DNAH14: variants seen among roughly 807,000 people sequenced by gnomAD.
DNAH14 encodes axonemal beta dynein heavy chain 14.
DNAH14 carries 478 observed loss-of-function variants against 520.9 expected under a neutral mutation model. The observed-to-expected ratio is 0.92, with a 90% CI of 0.85 to 0.99. The LOEUF (loss-of-function observed/expected upper bound fraction) is 0.99. DNAH14 is among the 50% of genes least tolerant of loss of function. The pLI is 0.00. For missense variants in DNAH14, 4,831 were observed against 5,234.5 expected, an observed-to-expected ratio of 0.92 and a Z score of 2.38; for synonymous variants, 1,581 against 1,757.2, an observed-to-expected ratio of 0.90 and a Z score of 2.51.
chr1:225,050,417 GCAGAAACC>G, intron 16 of DNAH14, 41 bp downstream of exon 16: 5 of 1,487,138 alleles, frequency 3.4e-6, no homozygotes, highest in Non-Finnish European at 4.5e-6. Flanking sequence ...TGTTTAAGGA[GCAGAAACC>G]CACTGAATTC....
intron 35 of DNAH14, among the ~76,000 whole-genome samples, chr1:225,163,486 CT>C (rs2081739536): frequency 6.6e-6 from 1 of 151,856 alleles, no homozygotes; most frequent in Non-Finnish European, 1.5e-5. Flanking sequence ...GTGATACTAG[CT>C]GTGGGTCTGT....
intron 11 of DNAH14, among the ~76,000 whole-genome samples, chr1:225,037,202 G>A (rs530322143): frequency 6.6e-6 from 1 of 152,090 alleles, no homozygotes; most frequent in Non-Finnish European, 1.5e-5. Flanking sequence ...TAGAGAATTT[G>A]GTCCATTTAC....
intron 54 of DNAH14, among the ~76,000 whole-genome samples, chr1:225,279,207 A>T (rs1183545723): frequency 6.6e-6 from 1 of 152,114 alleles, no homozygotes; most frequent in Non-Finnish European, 1.5e-5. Flanking sequence ...GGGTTTCACC[A>T]TGTTGGGCAG....
intron 36 of DNAH14, among the ~76,000 whole-genome samples, chr1:225,169,258 C>T (rs6702926): frequency 0.11 from 17,000 of 152,196 alleles, 1,479 homozygotes; most frequent in East Asian, 0.23. Flanking sequence ...TCCAAAGGAA[C>T]GCAGCTCCTC....
chr1:224,949,889 C>T (rs1311179452), intron 1 of DNAH14, among the ~76,000 whole-genome samples: 1 of 151,992 alleles, frequency 6.6e-6, no homozygotes, highest in Non-Finnish European at 1.5e-5. Context: ...CTGATATCTC[C>T]TACTCCCAGA....
intron 12 of DNAH14, among the ~76,000 whole-genome samples, chr1:225,041,169 A>G (rs559955780): frequency 2.6e-5 from 4 of 152,368 alleles, no homozygotes; most frequent in African/African-American, 9.6e-5. Context: ...AAGTTTGGGC[A>G]TCTTGCCCCT....
chr1:225,083,189 A>G (rs995752032), intron 20 of DNAH14, among the ~76,000 whole-genome samples: 1 of 152,118 alleles, frequency 6.6e-6, no homozygotes, highest in Non-Finnish European at 1.5e-5. Flanking sequence ...TTTCCATGTA[A>G]GTTTTATTAT....
At position 225,079,434 on chromosome 1, in the gene DNAH14, A is replaced by G. The variant is rs570373884; in HGVS notation, c.2652A>G (p.Lys884=). Residue 884 remains lysine, a synonymous_variant, in exon 18 of 86, where the codon AAA becomes AAG. Transcript: ENST00000682510. ...QVLLLKFSQL[K]SSMKLSKINK... ...TTCTTCTTAAGTTTAGTCAACTAAA[A>G]TCATCTATGAAGTTAAGTAAAATAA... is the stretch of plus-strand genomic sequence containing the variant. The G allele has an allele frequency of 6.5e-7, 1 of 1,548,702 alleles. No individual in the cohort carries two copies. Among genetic ancestry groups the G allele is most frequent in the Non-Finnish European group, 8.7e-7 (1 of 1,146,294 alleles).
intron 61 of DNAH14, among the ~76,000 whole-genome samples, chr1:225,318,978 T>A (rs1239445546): frequency 6.6e-6 from 1 of 152,212 alleles, no homozygotes; most frequent in Non-Finnish European, 1.5e-5. Flanking sequence ...TGAATCTCAG[T>A]CTCTTTGATG....
intron 31 of DNAH14, among the ~76,000 whole-genome samples, chr1:225,151,182 T>C (rs1474261177): frequency 3.3e-5 from 5 of 152,216 alleles, no homozygotes; most frequent in Non-Finnish European, 7.3e-5. Context: ...ATTTTAATAC[T>C]CATATGATTT....
intron 17 of DNAH14, among the ~76,000 whole-genome samples, chr1:225,072,606 A>C (rs12036461): frequency 6.6e-6 from 1 of 152,116 alleles, no homozygotes; most frequent in Admixed American, 6.5e-5. Flanking sequence ...GAAAGAGCGC[A>C]TTCTGGCTTT....
intron 21 of DNAH14, among the ~76,000 whole-genome samples, chr1:225,090,135 T>G (rs1334052787): frequency 6.6e-6 from 1 of 152,166 alleles, no homozygotes; most frequent in Non-Finnish European, 1.5e-5. Flanking sequence ...CAAAGTCAAA[T>G]TCATTATATA....
intron 36 of DNAH14, among the ~76,000 whole-genome samples, chr1:225,180,815 C>A (rs974662091): frequency 1.3e-5 from 2 of 152,142 alleles, no homozygotes; most frequent in Admixed American, 6.6e-5. Context: ...CCCTCTAATG[C>A]ATTATTTTAA....
rs2094970835 is a variant in DNAH14, at chr1:225,335,643, A to ACGCATACGTATATG, written c.10081-1623_10081-1622insCGCATACGTATATG. ...TACGCATATATACATATGTGCATAT[A>ACGCATACGTATATG]TGTATATACGCATATATACATATGT... is the stretch of plus-strand genomic sequence containing the variant. On this transcript the variant is annotated intron_variant, in intron 66 of 85. Coordinates refer to ENST00000682510, the MANE Select transcript of DNAH14 (RefSeq NM_001367479.1). Among the ~76,000 whole-genome samples, 2 of 120,196 alleles carry ACGCATACGTATATG rather than the reference A, an allele frequency of 1.7e-5. 1 individual carries two copies. Among genetic ancestry groups the ACGCATACGTATATG allele is most frequent in the African/African-American group, 7.4e-5 (2 of 27,050 alleles). 78.9% of individuals were successfully genotyped at this position (120,196 alleles called of 152,430 possible). A position where few individuals can be genotyped will look rare whatever the true frequency, so the allele number is the denominator to read the frequency against.
chr1:225,315,531 G>A (rs997245114), intron 60 of DNAH14, among the ~76,000 whole-genome samples: 1 of 151,940 alleles, frequency 6.6e-6, no homozygotes, highest in East Asian at 1.9e-4. Context: ...TCTGTGTTTT[G>A]GAATTTTCAG....
chr1:224,952,643 A>G, intron 1 of DNAH14, 27 bp from the exon 2 acceptor site: 1 of 1,252,546 alleles, frequency 8.0e-7, no homozygotes, highest in Non-Finnish European at 1.1e-6. Flanking sequence ...TTGTATATTA[A>G]ATATAATAAT....
In DNAH14 at chr1:225,360,785, G is replaced by A; in HGVS notation, c.11881G>A (p.Glu3961Lys). 1 of 1,551,714 alleles carries A rather than the reference G, an allele frequency of 6.4e-7. No individual in the cohort carries two copies. Among genetic ancestry groups the A allele is most frequent in the Non-Finnish European group, 8.7e-7 (1 of 1,146,978 alleles). ...SLGRDQAAKA[E>K]DLILKALTKT... ...GGGCCGTGACCAAGCAGCTAAAGCT[G>A]AAGACCTCATTTTAAAGGCACTAAC... The change falls in exon 75 of 86, where the codon GAA becomes AAA. Residue 3961 changes from glutamate (E) to lysine (K), a missense_variant. Physicochemically the swap from Glu to Lys is moderately conservative, Grantham distance 56. Transcript: ENST00000682510.
intron 53 of DNAH14, among the ~76,000 whole-genome samples, chr1:225,277,015 G>T (rs1164042823): frequency 1.1e-5 from 1 of 93,994 alleles, no homozygotes; most frequent in Non-Finnish European, 2.1e-5. Flanking sequence ...GGGAGGGAGG[G>T]AGGGAGGGAG....
chr1:225,243,472 A>G (rs1175419703), intron 43 of DNAH14, among the ~76,000 whole-genome samples: 2 of 152,108 alleles, frequency 1.3e-5, no homozygotes, highest in African/African-American at 2.4e-5. Context: ...AAGGAAATAT[A>G]CCACCAAAAT....
Sources: gnomAD v4.1 joint callset for allele counts (sites outside exome capture counted in the v4.1 genomes callset) on GRCh38, gnomAD v4.1.1 for gene constraint, MANE v1.5 for transcripts, NCBI Gene and HGNC (gene_info 2026-07-23, HGNC 2026-07-21) for gene names.